The following SPAG16 variants were observed in gnomAD, a reference collection of about 807,000 sequenced individuals.
The protein encoded by SPAG16 is sperm associated antigen 16.
Under a neutral mutation model 80.4 loss-of-function variants are expected in SPAG16, and 86 were observed. The ratio of observed to expected loss-of-function variants is 1.07; its 90% CI spans 0.90 to 1.28. The LOEUF (loss-of-function observed/expected upper bound fraction) is 1.28. Ranked by LOEUF, SPAG16 falls within the 50% of genes most tolerant of loss-of-function variation. The pLI is 0.00. For synonymous variants in SPAG16, 294 were observed against 265.9 expected (o/e 1.11, Z -1.03); for missense variants, 870 against 765.3 (o/e 1.14, Z -1.61).
chr2:214,003,227 A>C (rs865877631), intron 12 of SPAG16, among the ~76,000 whole-genome samples: 3 of 152,220 alleles, frequency 2.0e-5, no homozygotes, highest in Non-Finnish European at 2.9e-5. Context: ...AAATGGACTT[A>C]TCTGACACTG....
intron 10 of SPAG16, among the ~76,000 whole-genome samples, chr2:213,619,309 A>G (rs2061696452): frequency 6.6e-6 from 1 of 152,188 alleles, no homozygotes; most frequent in African/African-American, 2.4e-5. Context: ...AAAATAGACA[A>G]TGAGGTTACA....
At chr2:213,310,319 A>AAC (rs59407158) in intron 4 of SPAG16, 142 bp downstream of exon 4, 57 of 347,680 alleles carry the variant, frequency 1.6e-4, no homozygotes, top group African/African-American at 1.3e-3. Context: ...CTGAAACCAC[A>AAC]ACACACACAC....
At chr2:214,211,627 A>G (rs1053828679) in intron 15 of SPAG16, among the ~76,000 whole-genome samples, 2 of 152,144 alleles carry the variant, frequency 1.3e-5, no homozygotes, top group Non-Finnish European at 2.9e-5. Context: ...AGCAAATCCC[A>G]GCTCCCTGAC....
chr2:213,401,093 G>A (rs921390535), intron 9 of SPAG16, among the ~76,000 whole-genome samples: 2 of 152,204 alleles, frequency 1.3e-5, no homozygotes, highest in Admixed American at 1.3e-4. Context: ...ACAGGTGTGA[G>A]CCACTGCACC....
chr2:214,021,117 G>C (rs2047841398), intron 13 of SPAG16, among the ~76,000 whole-genome samples: 2 of 152,094 alleles, frequency 1.3e-5, no homozygotes, highest in South Asian at 2.1e-4. Context: ...TGTGTTTTGG[G>C]GAGAAAAAGC....
At chr2:213,461,686 G>A (rs906312742) in intron 9 of SPAG16, among the ~76,000 whole-genome samples, 2 of 152,178 alleles carry the variant, frequency 1.3e-5, no homozygotes, top group African/African-American at 4.8e-5. Flanking sequence ...AAAGCAAGAA[G>A]AGGAACTGAC....
At chr2:214,315,705 A>T (rs891647821) in intron 15 of SPAG16, among the ~76,000 whole-genome samples, 2 of 151,438 alleles carry the variant, frequency 1.3e-5, no homozygotes, top group African/African-American at 4.9e-5. Context: ...CTAATTTTTA[A>T]TTTTTTTGTA....
At chr2:213,438,230 A>G (rs2070748585) in intron 9 of SPAG16, among the ~76,000 whole-genome samples, 1 of 152,206 alleles carries the variant, frequency 6.6e-6, no homozygotes, top group Non-Finnish European at 1.5e-5. Flanking sequence ...GTGGTAACCT[A>G]TTATTAATAG....
intron 15 of SPAG16, among the ~76,000 whole-genome samples, chr2:214,337,216 A>G (rs1218294594): frequency 6.6e-6 from 1 of 152,084 alleles, no homozygotes; most frequent in East Asian, 1.9e-4. Context: ...AAATGGGTAA[A>G]AGAGACTACA....
intron 13 of SPAG16, among the ~76,000 whole-genome samples, chr2:214,053,038 T>C (rs1465965485): frequency 6.6e-6 from 1 of 152,100 alleles, no homozygotes; most frequent in Non-Finnish European, 1.5e-5. Flanking sequence ...TTCTGTAGAG[T>C]TCACATGGGA....
At chr2:213,578,139 A>G (rs2060189791) in intron 10 of SPAG16, among the ~76,000 whole-genome samples, 1 of 152,156 alleles carries the variant, frequency 6.6e-6, no homozygotes. Flanking sequence ...GCAGACAAGT[A>G]CCCGAAACAT....
chr2:213,730,533 T>C (rs1449146613), intron 10 of SPAG16, among the ~76,000 whole-genome samples: 1 of 152,248 alleles, frequency 6.6e-6, no homozygotes, highest in East Asian at 1.9e-4. Flanking sequence ...CTTGTTTATA[T>C]GGTTTCTGAC....
At chr2:213,394,831 C>A (rs542148972) in intron 9 of SPAG16, among the ~76,000 whole-genome samples, 12 of 152,224 alleles carry the variant, frequency 7.9e-5, no homozygotes, top group African/African-American at 2.9e-4. Context: ...TGGGAGAATT[C>A]ACCAGTGAAA....
intron 9 of SPAG16, among the ~76,000 whole-genome samples, chr2:213,385,371 C>T (rs2067373782): frequency 6.6e-6 from 1 of 152,094 alleles, no homozygotes; most frequent in South Asian, 2.1e-4. Flanking sequence ...TAGAAGAGTA[C>T]TCTCATATTG....
intron 10 of SPAG16, among the ~76,000 whole-genome samples, chr2:213,600,935 G>GA (rs1050662209): frequency 1.2e-4 from 19 of 152,120 alleles, no homozygotes; most frequent in Non-Finnish European, 2.5e-4. Context: ...GTGCAGGGAG[G>GA]AAAAATCACA....
intron 14 of SPAG16, among the ~76,000 whole-genome samples, chr2:214,118,006 A>G (rs541404248): frequency 3.3e-5 from 5 of 152,326 alleles, no homozygotes; most frequent in African/African-American, 1.2e-4. Context: ...AGCCAGAGCA[A>G]TTAGGCAGCA....
At chr2:213,303,555 T>C (rs962057617) in intron 3 of SPAG16, among the ~76,000 whole-genome samples, 10 of 151,924 alleles carry the variant, frequency 6.6e-5, no homozygotes, top group Non-Finnish European at 8.8e-5. Context: ...CTCTGGTAAT[T>C]ATTGCTCTAG....
chr2:214,119,225 A>T (rs13020812), intron 14 of SPAG16, among the ~76,000 whole-genome samples: 41,288 of 152,048 alleles, frequency 0.27, 5,823 homozygotes, highest in East Asian at 0.46. Flanking sequence ...TTGAATTTTA[A>T]TTCTCTTATG....
At chr2:213,832,021 A>T (rs1287046367) in intron 10 of SPAG16, among the ~76,000 whole-genome samples, 3 of 151,624 alleles carry the variant, frequency 2.0e-5, no homozygotes, top group African/African-American at 4.8e-5. Context: ...TATTTTTTTG[A>T]GCACTCACTC....
Sources: gnomAD v4.1 joint callset for allele counts (sites outside exome capture counted in the v4.1 genomes callset) on GRCh38, gnomAD v4.1.1 for gene constraint, MANE v1.5 for transcripts, NCBI Gene and HGNC (gene_info 2026-07-23, HGNC 2026-07-21) for gene names.